The following ABTB3 variants were observed in gnomAD, a reference collection of about 807,000 sequenced individuals.
The protein encoded by ABTB3 is ankyrin repeat- and BTB/POZ domain-containing protein 3.
chr12:107,318,793 A>G, the ABTB3 span: 1 of 902,594 alleles, frequency 1.1e-6, no homozygotes, highest in Non-Finnish European at 1.6e-6. Flanking sequence ...GAGGCAGCCG[A>G]AAGTACTAAC....
chr12:107,589,563 G>T, the ABTB3 span, among the ~76,000 whole-genome samples: 2 of 152,246 alleles, frequency 1.3e-5, no homozygotes, highest in African/African-American at 4.8e-5. Flanking sequence ...TGTGCAACCA[G>T]AGAGGGGCTC....
At chr12:107,438,407 C>T in the ABTB3 span, among the ~76,000 whole-genome samples, 8 of 152,144 alleles carry the variant, frequency 5.3e-5, no homozygotes, top group Admixed American at 3.3e-4. Flanking sequence ...CAGAAGCTTG[C>T]GGGATGGATT....
chr12:107,482,364 T>C, the ABTB3 span, among the ~76,000 whole-genome samples: 1,649 of 152,260 alleles, frequency 0.011, 41 homozygotes, highest in African/African-American at 0.037. Flanking sequence ...GGCTAAGACC[T>C]GAGACCTGGG....
chr12:107,656,884 GC>G, the ABTB3 span, among the ~76,000 whole-genome samples: 1 of 152,076 alleles, frequency 6.6e-6, no homozygotes, highest in Admixed American at 6.5e-5. Flanking sequence ...AGATTTCTAA[GC>G]CAGGTGCAGT....
At chr12:107,457,678 GA>G in the ABTB3 span, among the ~76,000 whole-genome samples, 2 of 152,194 alleles carry the variant, frequency 1.3e-5, no homozygotes, top group Non-Finnish European at 2.9e-5. Flanking sequence ...TCCTCAGCTT[GA>G]TAAAAAGCAG....
At chr12:107,520,562 T>C in the ABTB3 span, 6 of 1,614,094 alleles carry the variant, frequency 3.7e-6, no homozygotes, top group Admixed American at 3.3e-5. Context: ...GAACTGCCCA[T>C]GTTCAGCCAG....
chr12:107,518,087 C>T, the ABTB3 span, among the ~76,000 whole-genome samples: 2 of 152,082 alleles, frequency 1.3e-5, no homozygotes, highest in South Asian at 2.1e-4. Flanking sequence ...GTTAGAATGG[C>T]GATCATTAAA....
chr12:107,609,467 C>T, the ABTB3 span, among the ~76,000 whole-genome samples: 1 of 152,196 alleles, frequency 6.6e-6, no homozygotes, highest in African/African-American at 2.4e-5. Context: ...TCCCATGCAC[C>T]TTGCCATTTA....
the ABTB3 span, among the ~76,000 whole-genome samples, chr12:107,391,418 G>A: frequency 0.26 from 39,955 of 151,960 alleles, 5,507 homozygotes; most frequent in Admixed American, 0.31. Flanking sequence ...TTTGGGGAGA[G>A]AGTGGGTAAA....
At chr12:107,599,600 CG>C in the ABTB3 span, among the ~76,000 whole-genome samples, 9 of 152,258 alleles carry the variant, frequency 5.9e-5, no homozygotes, top group Admixed American at 3.3e-4. Flanking sequence ...CATTTCTCCC[CG>C]CTAGGTACCT....
At chr12:107,610,522 A>G in the ABTB3 span, 1 of 672,790 alleles carries the variant, frequency 1.5e-6, no homozygotes, top group South Asian at 2.5e-5. Context: ...TTTTTAAAAT[A>G]TCTTATAAAA....
At chr12:107,482,608 T>G in the ABTB3 span, among the ~76,000 whole-genome samples, 1 of 152,074 alleles carries the variant, frequency 6.6e-6, no homozygotes, top group Admixed American at 6.5e-5. Context: ...CTAGTAAATA[T>G]GCATGGGGTG....
At chr12:107,573,489 G>C in the ABTB3 span, among the ~76,000 whole-genome samples, 1 of 152,052 alleles carries the variant, frequency 6.6e-6, no homozygotes, top group African/African-American at 2.4e-5. Context: ...TGGATGGATG[G>C]ATGGATGGAT....
the ABTB3 span, among the ~76,000 whole-genome samples, chr12:107,455,105 A>G: frequency 6.6e-6 from 1 of 152,224 alleles, no homozygotes. Flanking sequence ...CTTTCAGTTT[A>G]TGGAAGAGGA....
the ABTB3 span, among the ~76,000 whole-genome samples, chr12:107,593,002 T>C: frequency 6.6e-6 from 1 of 152,228 alleles, no homozygotes; most frequent in Non-Finnish European, 1.5e-5. Context: ...ATATGCATTA[T>C]AAAGAAGGGT....
the ABTB3 span, among the ~76,000 whole-genome samples, chr12:107,611,305 T>C: frequency 1.3e-5 from 2 of 152,188 alleles, no homozygotes; most frequent in Non-Finnish European, 2.9e-5. Flanking sequence ...CTCAGCCTCC[T>C]GAGGAGCTGG....
chr12:107,464,976 AC>A, the ABTB3 span, among the ~76,000 whole-genome samples: 1 of 142,266 alleles, frequency 7.0e-6, no homozygotes, highest in South Asian at 2.2e-4. Flanking sequence ...ACACACACAC[AC>A]CCCAGAGAAT....
At chr12:107,411,835 A>G in the ABTB3 span, among the ~76,000 whole-genome samples, 2 of 152,036 alleles carry the variant, frequency 1.3e-5, no homozygotes, top group Non-Finnish European at 2.9e-5. Flanking sequence ...GGCTTGATCT[A>G]TGTCTCTGAT....
At chr12:107,440,850 G>C in the ABTB3 span, among the ~76,000 whole-genome samples, 1 of 152,186 alleles carries the variant, frequency 6.6e-6, no homozygotes. Flanking sequence ...ATGAATGACT[G>C]CCTGGGCCAA....
Sources: gnomAD v4.1 joint callset for allele counts (sites outside exome capture counted in the v4.1 genomes callset) on GRCh38, gnomAD v4.1.1 for gene constraint, MANE v1.5 for transcripts, NCBI Gene and HGNC (gene_info 2026-07-23, HGNC 2026-07-21) for gene names.